The following KCNH7 variants were observed in gnomAD, a reference collection of about 807,000 sequenced individuals.
The protein encoded by KCNH7 is potassium voltage-gated channel subfamily H member 7, also known as voltage-gated inwardly rectifying potassium channel KCNH7.
In KCNH7, 49 loss-of-function variants were observed where a neutral mutation model predicts 120.8. The ratio of observed to expected loss-of-function variants is 0.41; its 90% CI spans 0.32 to 0.51. The LOEUF is 0.51. Among genes scored for constraint, KCNH7 ranks in the 20% least tolerant of loss-of-function variants. The probability of loss-of-function intolerance (pLI) is 0.38; values close to 1 mark genes in which losing one functional copy is unlikely to be tolerated. For missense variants in KCNH7, 1,097 were observed against 1,446.6 expected (o/e 0.76, Z 3.92); for synonymous variants, 547 against 516.1 (o/e 1.06, Z -0.81).
At chr2:162,405,595 A>G (rs574202636) in intron 9 of KCNH7, among the ~76,000 whole-genome samples, 9 of 152,114 alleles carry the variant, frequency 5.9e-5, no homozygotes, top group African/African-American at 1.9e-4. Context: ...TATTGTTAAT[A>G]TTCATAATTA....
chr2:162,762,295 GTA>G (rs560917010), intron 2 of KCNH7, among the ~76,000 whole-genome samples: 4 of 151,044 alleles, frequency 2.6e-5, no homozygotes, highest in Non-Finnish European at 5.9e-5. Context: ...GTGTGTGTGT[GTA>G]TATATATATA....
Position 162,739,191 on chromosome 2 carries a change from A to G in KCNH7, c.307+97346T>C, listed in dbSNP as rs543021060. Among the ~76,000 whole-genome samples the G allele has an allele frequency of 2.2e-4, 34 of 151,978 alleles. No homozygotes were observed. The South Asian group carries it at 7.1e-3, about 32-fold the overall frequency. On this transcript the variant is annotated intron_variant, in intron 2 of 15. Transcript: ENST00000332142. Reference sequence around the variant, plus strand: ...TGCCCATTTTCAATTACTTTTCTCAAAACCTCCCTTGTATGCCTGTTCTAC... The same window carrying G: ...TGCCCATTTTCAATTACTTTTCTCAGAACCTCCCTTGTATGCCTGTTCTAC...
chr2:162,457,714 C>T (rs1240281341), intron 6 of KCNH7, among the ~76,000 whole-genome samples: 1 of 152,152 alleles, frequency 6.6e-6, no homozygotes, highest in Non-Finnish European at 1.5e-5. Context: ...TTGGTTGAAG[C>T]TGCTCATCAG....
chr2:162,471,304 G>A (rs1689519536), intron 6 of KCNH7, among the ~76,000 whole-genome samples: 1 of 150,892 alleles, frequency 6.6e-6, no homozygotes, highest in Non-Finnish European at 1.5e-5. Context: ...ACTAGGTGAA[G>A]CCCAGGAATC....
chr2:162,469,811 A>C (rs1355493630), intron 6 of KCNH7, among the ~76,000 whole-genome samples: 1 of 151,714 alleles, frequency 6.6e-6, no homozygotes, highest in East Asian at 1.9e-4. Flanking sequence ...TCCCTGCCTG[A>C]TTCTCCTGCC....
chr2:162,458,141 G>A (rs79454284), intron 6 of KCNH7, among the ~76,000 whole-genome samples: 1 of 151,058 alleles, frequency 6.6e-6, no homozygotes, highest in East Asian at 1.9e-4. Context: ...GTGTTGGGTG[G>A]AGTAGGGATG....
At chr2:162,821,483 A>G (rs908499329) in intron 2 of KCNH7, among the ~76,000 whole-genome samples, 3 of 152,204 alleles carry the variant, frequency 2.0e-5, no homozygotes, top group African/African-American at 7.2e-5. Flanking sequence ...ATGAGTGGCT[A>G]CATTTTTAAA....
intron 2 of KCNH7, among the ~76,000 whole-genome samples, chr2:162,573,405 G>A (rs1204110900): frequency 6.6e-6 from 1 of 151,886 alleles, no homozygotes. Context: ...TAAAAAGTTT[G>A]ATGTAATAAA....
chr2:162,496,744 G>T (rs1226031700), intron 6 of KCNH7, among the ~76,000 whole-genome samples: 2 of 152,054 alleles, frequency 1.3e-5, no homozygotes, highest in Non-Finnish European at 1.5e-5. Flanking sequence ...ACAAATAATT[G>T]TTGAAAATTT....
chr2:162,477,828 C>G (rs1315027292), intron 6 of KCNH7, among the ~76,000 whole-genome samples: 1 of 151,728 alleles, frequency 6.6e-6, no homozygotes, highest in African/African-American at 2.4e-5. Flanking sequence ...ATCCATCCAT[C>G]CATCCATCCA....
intron 2 of KCNH7, among the ~76,000 whole-genome samples, chr2:162,752,907 AG>A (rs1483424020): frequency 1.6e-3 from 49 of 29,740 alleles, no homozygotes; most frequent in African/African-American, 2.5e-3. Flanking sequence ...TCTCAGAAAA[AG>A]AAAAGAAAAG....
chr2:162,611,050 T>C (rs1019571319), intron 2 of KCNH7, among the ~76,000 whole-genome samples: 3 of 152,162 alleles, frequency 2.0e-5, no homozygotes, highest in African/African-American at 7.2e-5. Context: ...AGTAAATTTA[T>C]AGGCACAGAA....
intron 2 of KCNH7, among the ~76,000 whole-genome samples, chr2:162,770,396 A>T (rs1683000495): frequency 1.3e-5 from 2 of 151,492 alleles, no homozygotes. Flanking sequence ...TTATATTTAT[A>T]CTTATTTCAG....
At chr2:162,626,461 A>T (rs11689699) in intron 2 of KCNH7, among the ~76,000 whole-genome samples, 2 of 151,532 alleles carry the variant, frequency 1.3e-5, no homozygotes, top group Admixed American at 1.3e-4. Context: ...TGGAATTCTG[A>T]AAGTCATGAA....
intron 2 of KCNH7, among the ~76,000 whole-genome samples, chr2:162,794,893 T>G (rs955337913): frequency 2.0e-5 from 3 of 152,074 alleles, no homozygotes; most frequent in African/African-American, 4.8e-5. Context: ...TTTCTTGATA[T>G]CCTTCAATTT....
intron 2 of KCNH7, among the ~76,000 whole-genome samples, chr2:162,788,577 A>G (rs1252535443): frequency 6.6e-6 from 1 of 152,060 alleles, no homozygotes; most frequent in Non-Finnish European, 1.5e-5. Context: ...TGGAGAAACA[A>G]AAATAAAAAG....
chr2:162,560,027 CTT>C (rs1693007247), intron 2 of KCNH7, among the ~76,000 whole-genome samples: 1 of 152,202 alleles, frequency 6.6e-6, no homozygotes, highest in Non-Finnish European at 1.5e-5. Context: ...GACATATAAA[CTT>C]GACCTATATG....
rs564654888 is a variant in KCNH7, at chr2:162,690,332, C to G, written c.307+146205G>C. 5.9e-5 allele frequency among the ~76,000 whole-genome samples: 9 copies of G among 152,144 alleles called. No homozygotes were observed. In the East Asian group the frequency reaches 1.7e-3, roughly 29 times the overall value. ...ATCTGTACAACAAACCCCCATGACA[C>G]AAATTTACCTATGTAACAAACCTGC... On this transcript the variant is annotated intron_variant, in intron 2 of 15. Coordinates refer to ENST00000332142, the MANE Select transcript of KCNH7 (RefSeq NM_033272.4).
chr2:162,501,736 A>G (rs1558980624), intron 6 of KCNH7, among the ~76,000 whole-genome samples: 1 of 151,876 alleles, frequency 6.6e-6, no homozygotes, highest in Non-Finnish European at 1.5e-5. Flanking sequence ...TTTTACAAGG[A>G]CACTAATCCC....
Sources: allele counts gnomAD v4.1 joint callset (sites outside exome capture counted in the v4.1 genomes callset), GRCh38; gene constraint gnomAD v4.1.1; transcripts MANE v1.5; gene names NCBI Gene and HGNC (gene_info 2026-07-23, HGNC 2026-07-21).